The following SLC12A7 variants were observed in gnomAD, a reference collection of about 807,000 sequenced individuals.
SLC12A7 encodes the protein solute carrier family 12 member 7, also known as K-Cl cotransporter 4.
Under a neutral mutation model 120.6 loss-of-function variants are expected in SLC12A7, and 100 were observed. That is an observed-to-expected ratio of 0.83 (90% confidence interval 0.71 to 0.98). The LOEUF (loss-of-function observed/expected upper bound fraction) is 0.98, where lower values mean the gene tolerates loss of function less well. SLC12A7 is among the 50% of genes least tolerant of loss of function. The pLI, the probability that SLC12A7 is intolerant of heterozygous loss-of-function variation, is 0.00. For synonymous variants in SLC12A7, 760 were observed against 678.0 expected, an observed-to-expected ratio of 1.12 and a Z score of -1.88; for missense variants, 1,373 against 1,548.1, an observed-to-expected ratio of 0.89 and a Z score of 1.90.
At chr5:1,090,227 G>A (rs1224780834) in intron 3 of SLC12A7, among the ~76,000 whole-genome samples, 1 of 152,246 alleles carries the variant, frequency 6.6e-6, no homozygotes, top group Non-Finnish European at 1.5e-5. Flanking sequence ...CACCGTGCCG[G>A]AACGCCTCCC....
the SLC12A7 span, among the ~76,000 whole-genome samples, chr5:1,140,921 T>TG: frequency 4.4e-4 from 67 of 152,248 alleles, 1 homozygote; most frequent in Admixed American, 8.5e-4. Flanking sequence ...GCAGAGCCGT[T>TG]GGGGGCTGCA....
upstream of SLC12A7, among the ~76,000 whole-genome samples, chr5:1,114,672 C>G (rs374582698): frequency 8.5e-5 from 13 of 152,134 alleles, no homozygotes; most frequent in African/African-American, 3.1e-4. Context: ...GGAGCTGCAT[C>G]TTTCGGTGCA....
In SLC12A7 at chr5:1,086,969, G is replaced by C. The variant is rs147474197; in HGVS notation, c.609C>G (p.Leu203=). 2.5e-6 allele frequency: 4 copies of C among 1,612,878 alleles called. No individual in the cohort carries two copies. In the African/African-American group the frequency reaches 4.0e-5, roughly 16 times the overall value. Reference sequence around the variant, plus strand: ...CAAACGTCGTGCCCAGGTAGAAGCAGAGGCCGACAGCGCCTCCAAACTCGG... The same window carrying C: ...CAAACGTCGTGCCCAGGTAGAAGCACAGGCCGACAGCGCCTCCAAACTCGG... ...LGPEFGGAVG[L]CFYLGTTFAG... is the part of the protein sequence containing the mutation. Residue 203 remains leucine, a synonymous_variant, in exon 6 of 24, where the codon CTC becomes CTG. Coordinates refer to ENST00000264930, the MANE Select transcript of SLC12A7 (RefSeq NM_006598.3).
intron 10 of SLC12A7, 30 bp from the exon 11 acceptor site, chr5:1,078,788 C>A: frequency 8.4e-7 from 1 of 1,191,088 alleles, no homozygotes; most frequent in South Asian, 1.4e-5. Flanking sequence ...AAGGCAGGTC[C>A]GTGGGTGCAG....
chr5:1,058,461 ACTGTGG>A (rs1735855466), intron 21 of SLC12A7, among the ~76,000 whole-genome samples: 2 of 152,180 alleles, frequency 1.3e-5, no homozygotes, highest in Admixed American at 1.3e-4. Context: ...CACCTCTCCC[ACTGTGG>A]CTGGAGCCCC....
intron 20 of SLC12A7, among the ~76,000 whole-genome samples, chr5:1,062,492 C>G (rs988415753): frequency 9.2e-5 from 14 of 152,218 alleles, no homozygotes; most frequent in African/African-American, 3.4e-4. Flanking sequence ...GCCTGCAGCC[C>G]TCGGCCTAGG....
At chr5:1,150,754 C>T in the SLC12A7 span, among the ~76,000 whole-genome samples, 15 of 152,256 alleles carry the variant, frequency 9.9e-5, no homozygotes, top group South Asian at 6.2e-4. Flanking sequence ...ATGAACACGA[C>T]GGCCGAGCTC....
intron 1 of SLC12A7, among the ~76,000 whole-genome samples, chr5:1,111,615 G>C (rs1743014238): frequency 6.6e-6 from 1 of 152,190 alleles, no homozygotes; most frequent in Non-Finnish European, 1.5e-5. Flanking sequence ...ACCAGCAGCG[G>C]CGTCCACACC....
At position 1,075,315 on chromosome 5, in the gene SLC12A7, G is replaced by C. The variant is rs1159425693; in HGVS notation, c.1967+56C>G. 3.2e-6 allele frequency: 5 copies of C among 1,578,166 alleles called. No individual in the cohort carries two copies. In the African/African-American group the frequency reaches 6.7e-5, roughly 21 times the overall value. Reference sequence around the variant, plus strand: ...CAGGGAGCTGCCCCAGGCATAGCATGAGAGGGGCCCGCCCTCCCGTGCGCC... The same window carrying C: ...CAGGGAGCTGCCCCAGGCATAGCATCAGAGGGGCCCGCCCTCCCGTGCGCC... On this transcript the variant is annotated intron_variant, in intron 15 of 23. Coordinates refer to ENST00000264930, the MANE Select transcript of SLC12A7 (RefSeq NM_006598.3).
chr5:1,111,214 G>C (rs2150914603), intron 1 of SLC12A7, among the ~76,000 whole-genome samples: 1 of 152,256 alleles, frequency 6.6e-6, no homozygotes, highest in Non-Finnish European at 1.5e-5. Context: ...ACAGGGCTGG[G>C]GGATTCTCTC....
intron 5 of SLC12A7, 37 bp from the exon 6 acceptor site, chr5:1,087,070 G>A (rs747489253): frequency 1.3e-5 from 21 of 1,586,708 alleles, no homozygotes; most frequent in Middle Eastern, 1.7e-4. Context: ...GGTCAGGGGC[G>A]CACTTGGACT....
In SLC12A7 at chr5:1,056,450, C is replaced by T. The variant is rs188695471; in HGVS notation, c.3026+1021G>A. On this transcript the variant is annotated intron_variant, in intron 22 of 23. Transcript: ENST00000264930. ...TGGGTGAGCTCTGGCTGTACGCGGA[C>T]GCACACAAGCCACCGTGCACGGGGC... 364 of 278,174 alleles carry T rather than the reference C, an allele frequency of 1.3e-3. 1 individual carries two copies. Among genetic ancestry groups the T allele is most frequent in the African/African-American group, 7.4e-3 (324 of 43,778 alleles). 17.2% of individuals were successfully genotyped at this position (278,174 alleles called of 1,614,324 possible).
intron 3 of SLC12A7, among the ~76,000 whole-genome samples, chr5:1,093,074 T>C (rs1740702602): frequency 6.6e-6 from 1 of 152,032 alleles, no homozygotes; most frequent in East Asian, 1.9e-4. Context: ...TGGAAACAAA[T>C]CCTCAGGGAA....
At position 1,082,254 on chromosome 5, in the gene SLC12A7, T is replaced by C. The variant is rs1476314083; in HGVS notation, c.1130-510A>G. On this transcript the variant is annotated intron_variant, in intron 8 of 23. Coordinates refer to ENST00000264930, the MANE Select transcript of SLC12A7 (RefSeq NM_006598.3). ...TTCTGGAAAGCCTGGGCTTCCTCTC[T>C]AGGGTTCTGGAAAGTCCGGGCTTCC... Among the ~76,000 whole-genome samples, 4 of 144,200 alleles carry C rather than the reference T, an allele frequency of 2.8e-5. No homozygotes were observed. In the East Asian group the frequency reaches 8.7e-4, roughly 31 times the overall value. The allele number at this position is 144,200 out of a possible 152,430, so 94.6% of individuals were successfully genotyped here.
Position 1,077,885 on chromosome 5 carries a change from G to C in SLC12A7, c.1577C>G (p.Ala526Gly). The change falls in exon 12 of 24, where the codon GCA becomes GGA. Residue 526 changes from alanine (A) to glycine (G), a missense_variant. Transcript: ENST00000264930. Reference sequence around the variant, plus strand: ...GGCAATGGCCTGCAGTAGGCGCGGTGCCCCCGTGAGGCTCTGCAGGCCGGC... The same window carrying C: ...GGCAATGGCCTGCAGTAGGCGCGGTCCCCCCGTGAGGCTCTGCAGGCCGGC... ...CGAGLQSLTG[A>G]PRLLQAIARD... 6.3e-7 allele frequency: 1 copy of C among 1,598,202 alleles called. No individual in the cohort carries two copies. The highest frequency in any genetic ancestry group is 8.5e-7 in the Non-Finnish European group (1 of 1,173,236).
At chr5:1,064,346 G>A in intron 18 of SLC12A7, 94 bp from the exon 19 acceptor site, 2 of 1,420,780 alleles carry the variant, frequency 1.4e-6, no homozygotes, top group Non-Finnish European at 1.9e-6. Context: ...GGCGGGCACG[G>A]CGAGGCGAGG....
chr5:1,062,869 C>G (rs773250938), intron 20 of SLC12A7: 1 of 154,466 alleles, frequency 6.5e-6, no homozygotes, highest in Non-Finnish European at 1.5e-5. Flanking sequence ...CAAAACCATG[C>G]GCTGGGGTCA....
chr5:1,154,322 A>G, the SLC12A7 span, among the ~76,000 whole-genome samples: 1 of 149,316 alleles, frequency 6.7e-6, no homozygotes, highest in South Asian at 2.1e-4. Flanking sequence ...CCCCTGTACC[A>G]ATCCATGCAG....
chr5:1,138,015 C>G, the SLC12A7 span, among the ~76,000 whole-genome samples: 2 of 152,194 alleles, frequency 1.3e-5, no homozygotes, highest in Non-Finnish European at 2.9e-5. Context: ...GCCGCCGGCA[C>G]CCGCCCCTCC....
Sources: allele counts gnomAD v4.1 joint callset (sites outside exome capture counted in the v4.1 genomes callset), GRCh38; gene constraint gnomAD v4.1.1; transcripts MANE v1.5; gene names NCBI Gene and HGNC (gene_info 2026-07-23, HGNC 2026-07-21).